AKT2: variants seen among roughly 807,000 people sequenced by gnomAD.
AKT2 encodes the protein AKT serine/threonine kinase 2, also known as RAC-beta serine/threonine-protein kinase.
In AKT2, 16 loss-of-function variants were observed where a neutral mutation model predicts 58.6. The ratio of observed to expected loss-of-function variants is 0.27; its 90% CI spans 0.18 to 0.41. The LOEUF is 0.41. Among genes scored for constraint, AKT2 ranks in the 10% least tolerant of loss-of-function variants. The pLI, the probability that AKT2 is intolerant of heterozygous loss-of-function variation, is 1.00. For synonymous variants in AKT2, 253 were observed against 254.0 expected (o/e 1.00, Z 0.04); for missense variants, 438 against 661.0 (o/e 0.66, Z 3.70).
chr19:40,241,198 A>T (rs1478757466), intron 6 of AKT2: 1 of 153,674 alleles, frequency 6.5e-6, no homozygotes, highest in Non-Finnish European at 1.4e-5. Context: ...CCGACAGCGC[A>T]GAATCATCTG....
chr19:40,276,606 C>T (rs2077330435), intron 1 of AKT2, among the ~76,000 whole-genome samples: 1 of 151,880 alleles, frequency 6.6e-6, no homozygotes, highest in East Asian at 1.9e-4. Flanking sequence ...CCTCGTGATC[C>T]ACCCTCCTCG....
rs1974502381 is a variant in AKT2 at position 40,242,919 on chromosome 19, C to A, written c.288-232G>T. ...ATCCCAGCACTTTGGGAGGCTGAGG[C>A]GGATGGATCACAAGGTCAGGAGTTC... On this transcript the variant is annotated intron_variant, in intron 4 of 13. Transcript: ENST00000392038. This position sits in a 1 kb window ranked among gnomAD's most constrained non-coding sequence, Gnocchi z 4.3. 5.7e-6 allele frequency: 3 copies of A among 522,136 alleles called. No individual in the cohort carries two copies. Among genetic ancestry groups the A allele is most frequent in the Non-Finnish European group, 1.0e-5 (3 of 285,782 alleles). The allele number at this position is 522,136 out of a possible 1,614,324, so 32.3% of individuals were successfully genotyped here.
chr19:40,271,196 C>T (rs1036508113), intron 1 of AKT2, among the ~76,000 whole-genome samples: 3 of 142,050 alleles, frequency 2.1e-5, no homozygotes, highest in South Asian at 2.1e-4. Context: ...AAAAAACATA[C>T]GTACATACAT....
At chr19:40,265,612 TG>T (rs878860461) in intron 1 of AKT2, 8 of 428,132 alleles carry the variant, frequency 1.9e-5, no homozygotes, top group South Asian at 6.8e-5. Flanking sequence ...ACACCCATGC[TG>T]GGGGGAGGTG....
At chr19:40,236,498 C>T in intron 9 of AKT2, 113 bp from the exon 10 acceptor site, 1 of 1,419,514 alleles carries the variant, frequency 7.0e-7, no homozygotes, top group South Asian at 1.2e-5. Context: ...CCTCCCATGC[C>T]AGGCTGGGCC....
At chr19:40,250,085 G>A (rs1219620272) in intron 4 of AKT2, among the ~76,000 whole-genome samples, 1 of 152,224 alleles carries the variant, frequency 6.6e-6, no homozygotes, top group African/African-American at 2.4e-5. Context: ...CTTGTGGTAG[G>A]AAATGCTTCT....
Position 40,244,057 on chromosome 19 carries a change from A to T in AKT2, c.288-1370T>A, listed in dbSNP as rs201879131. 1.7e-3 allele frequency: 5 copies of T among 2,910 alleles called. No individual in the cohort carries two copies. In the South Asian group the frequency reaches 0.068, roughly 39 times the overall value. 0.2% of individuals were successfully genotyped at this position (2,910 alleles called of 1,614,324 possible). A position where few individuals can be genotyped will look rare whatever the true frequency, so the allele number is the denominator to read the frequency against. On this transcript the variant is annotated intron_variant, in intron 4 of 13. Transcript: ENST00000392038. ...AGACTCCATCCCAAAATAATAATAA[A>T]ATAATAATAATAATAATAATAATAA...
chr19:40,238,390 G>A lies in AKT2; in HGVS notation c.709-299C>T, dbSNP rs928327732. Among the ~76,000 whole-genome samples the A allele has an allele frequency of 3.9e-5, 6 of 152,210 alleles. No homozygotes were observed. The highest frequency in any genetic ancestry group is 7.3e-5 in the Non-Finnish European group (5 of 68,042). On this transcript the variant is annotated intron_variant, in intron 8 of 13. Coordinates refer to ENST00000392038, the MANE Select transcript of AKT2 (RefSeq NM_001626.6). The surrounding 1 kb of genome is among the most constrained non-coding windows in gnomAD (Gnocchi z 5.1). Reference sequence around the variant, plus strand: ...CACACGTCATGACCAAGTAACAATAGGCCATGGGCAAGCCCAGATCAGACA... The same window carrying A: ...CACACGTCATGACCAAGTAACAATAAGCCATGGGCAAGCCCAGATCAGACA...
At chr19:40,268,274 C>T (rs1193012911) in intron 1 of AKT2, among the ~76,000 whole-genome samples, 6 of 152,212 alleles carry the variant, frequency 3.9e-5, no homozygotes, top group Admixed American at 2.0e-4. Context: ...CCAGGGACAT[C>T]GCCTCTCAGG....
intron 1 of AKT2, chr19:40,275,501 G>A (rs2077297972): frequency 5.5e-6 from 2 of 366,406 alleles, no homozygotes; most frequent in African/African-American, 4.2e-5. Context: ...TCCTCACATG[G>A]GAAAACTGAG....
intron 1 of AKT2, 69 bp from the exon 2 acceptor site, chr19:40,265,420 C>A: frequency 6.6e-7 from 1 of 1,517,748 alleles, no homozygotes; most frequent in Non-Finnish European, 8.8e-7. Context: ...CTGAGGACGC[C>A]GGGCTCTGAG....
intron 7 of AKT2, 139 bp from the exon 8 acceptor site, chr19:40,239,112 G>A: frequency 1.4e-6 from 1 of 726,012 alleles, no homozygotes; most frequent in Admixed American, 2.8e-5. Flanking sequence ...CAGCCATATG[G>A]GGTTCACATA....
intron 3 of AKT2, among the ~76,000 whole-genome samples, chr19:40,256,280 G>T (rs774548187): frequency 7.2e-5 from 11 of 152,204 alleles, no homozygotes; most frequent in Non-Finnish European, 1.3e-4. Flanking sequence ...GGAGAGGATA[G>T]TGGTCTGAGC....
rs1975201770 is a variant in AKT2, at chr19:40,252,109, G to GCA, written c.287+3047_287+3048dup. Among the ~76,000 whole-genome samples, 10 of 152,236 alleles carry GCA rather than the reference G, an allele frequency of 6.6e-5. No homozygotes were observed. In the South Asian group the frequency reaches 2.1e-3, roughly 32 times the overall value. ...CTAGCCAACAAGCAGTCACCGACTG[G>GCA]CACCCACCTGCCCTGCAACCCCTGC... On this transcript the variant is annotated intron_variant, in intron 4 of 13. Coordinates refer to ENST00000392038, the MANE Select transcript of AKT2 (RefSeq NM_001626.6).
chr19:40,238,561 G>A lies in AKT2; in HGVS notation c.708+344C>T, dbSNP rs904963282. Among the ~76,000 whole-genome samples the A allele has an allele frequency of 6.6e-6, 1 of 152,148 alleles. No homozygotes were observed. Among genetic ancestry groups the A allele is most frequent in the Non-Finnish European group, 1.5e-5 (1 of 68,030 alleles). ...ATTCACTTCGAGAGGACACGGGAAC[G>A]GAGGGCTGCTAGGTTTTAACCCTTG... is the stretch of plus-strand genomic sequence containing the variant. On this transcript the variant is annotated intron_variant, in intron 8 of 13. Transcript: ENST00000392038. The surrounding 1 kb of genome is among the most constrained non-coding windows in gnomAD (Gnocchi z 5.1).
At chr19:40,264,913 ATGAATGC>A (rs1372871792) in intron 2 of AKT2, among the ~76,000 whole-genome samples, 4 of 152,214 alleles carry the variant, frequency 2.6e-5, no homozygotes, top group Non-Finnish European at 5.9e-5. Flanking sequence ...TGCTAACTGA[ATGAATGC>A]TGAATACTGC....
chr19:40,264,348 CCCTGT>C (rs1976185226), intron 2 of AKT2, among the ~76,000 whole-genome samples: 1 of 152,162 alleles, frequency 6.6e-6, no homozygotes, highest in South Asian at 2.1e-4. Context: ...AGGGTCTCTT[CCCTGT>C]CCTAACTTCA....
At chr19:40,239,373 C>G (rs1974239166) in intron 7 of AKT2, 1 of 240,926 alleles carries the variant, frequency 4.2e-6, no homozygotes, top group Non-Finnish European at 8.2e-6. Context: ...GGCTGTCAGT[C>G]AACAAACAGT....
intron 1 of AKT2, chr19:40,269,616 T>C (rs1467810093): frequency 1.3e-5 from 2 of 152,154 alleles, no homozygotes; most frequent in Non-Finnish European, 2.9e-5. Context: ...GAAATTAGTG[T>C]ATGTACAAAA....
Sources: gnomAD v4.1 joint callset for allele counts (sites outside exome capture counted in the v4.1 genomes callset) on GRCh38, gnomAD v4.1.1 for gene constraint, Gnocchi (gnomAD v3.1) non-coding constraint, MANE v1.5 for transcripts, NCBI Gene and HGNC (gene_info 2026-07-23, HGNC 2026-07-21) for gene names.